Variants in EXOC6B observed in about 807,000 individuals in gnomAD.
EXOC6B encodes SEC15 homolog B.
A neutral mutation model predicts 113.5 loss-of-function variants in EXOC6B; 54 were observed. The observed-to-expected ratio is 0.48, with a 90% CI of 0.38 to 0.60. EXOC6B has a LOEUF of 0.60. Ranked by LOEUF, EXOC6B falls within the 20% of genes least tolerant of loss-of-function variation. The probability of loss-of-function intolerance (pLI) is 0.00; values close to 1 mark genes in which losing one functional copy is unlikely to be tolerated. For synonymous variants in EXOC6B, 357 were observed against 339.0 expected, an observed-to-expected ratio of 1.05 and a Z score of -0.58; for missense variants, 797 against 977.5, an observed-to-expected ratio of 0.82 and a Z score of 2.46.
chr2:72,674,904 A>C (rs1204012610), intron 6 of EXOC6B, among the ~76,000 whole-genome samples: 1 of 152,236 alleles, frequency 6.6e-6, no homozygotes, highest in Non-Finnish European at 1.5e-5. Flanking sequence ...TAAAGAATAC[A>C]CAGTGTCAAT....
At chr2:72,214,487 C>CAA (rs11355575) in intron 20 of EXOC6B, among the ~76,000 whole-genome samples, 3 of 105,222 alleles carry the variant, frequency 2.9e-5, no homozygotes, top group African/African-American at 6.0e-5. Context: ...TGAGACTTGT[C>CAA]AAAAAAAAAA....
intron 19 of EXOC6B, among the ~76,000 whole-genome samples, chr2:72,341,136 T>C (rs1689011432): frequency 6.6e-6 from 1 of 152,172 alleles, no homozygotes; most frequent in South Asian, 2.1e-4. Context: ...TATGACTGTA[T>C]GATGTAAATT....
At chr2:72,741,607 A>G (rs555578834) in intron 1 of EXOC6B, 138 bp from the exon 2 acceptor site, 2 of 643,730 alleles carry the variant, frequency 3.1e-6, no homozygotes, top group African/African-American at 1.9e-5. Context: ...TTATTGTTAA[A>G]TGAGTATTTT....
chr2:72,443,066 C>A (rs1379673764), intron 18 of EXOC6B, among the ~76,000 whole-genome samples: 1 of 152,040 alleles, frequency 6.6e-6, no homozygotes, highest in Non-Finnish European at 1.5e-5. Context: ...GTGCCTCACG[C>A]CTGTAATCCC....
At chr2:72,452,450 T>C (rs998868196) in intron 18 of EXOC6B, among the ~76,000 whole-genome samples, 3 of 152,186 alleles carry the variant, frequency 2.0e-5, no homozygotes, top group Admixed American at 6.5e-5. Flanking sequence ...AAGTAGAAAA[T>C]TGAGACAATA....
At chr2:72,331,691 T>C (rs1688423887) in intron 20 of EXOC6B, among the ~76,000 whole-genome samples, 1 of 152,108 alleles carries the variant, frequency 6.6e-6, no homozygotes, top group Non-Finnish European at 1.5e-5. Flanking sequence ...TAATTCACGA[T>C]ATTATTAATA....
intron 7 of EXOC6B, among the ~76,000 whole-genome samples, chr2:72,574,418 C>T (rs780470991): frequency 1.3e-5 from 2 of 152,076 alleles, no homozygotes; most frequent in African/African-American, 4.8e-5. Flanking sequence ...GAGACTACTG[C>T]CTCTACTTAA....
chr2:72,638,874 C>A (rs895065716), intron 6 of EXOC6B, among the ~76,000 whole-genome samples: 5 of 152,126 alleles, frequency 3.3e-5, no homozygotes, highest in African/African-American at 1.2e-4. Flanking sequence ...GGTTGTCTTG[C>A]CCATCAGACA....
At chr2:72,572,543 C>G (rs1268285131) in intron 7 of EXOC6B, among the ~76,000 whole-genome samples, 1 of 152,130 alleles carries the variant, frequency 6.6e-6, no homozygotes, top group Non-Finnish European at 1.5e-5. Flanking sequence ...TAATACATAA[C>G]CCCAAACAGA....
At chr2:72,359,602 C>T (rs181126565) in intron 19 of EXOC6B, among the ~76,000 whole-genome samples, 112 of 152,244 alleles carry the variant, frequency 7.4e-4, no homozygotes, top group African/African-American at 2.6e-3. Context: ...CTAATTAAGA[C>T]AGATTATTAT....
intron 20 of EXOC6B, among the ~76,000 whole-genome samples, chr2:72,246,175 C>A (rs1443175043): frequency 1.3e-5 from 2 of 152,138 alleles, no homozygotes; most frequent in East Asian, 3.9e-4. Context: ...AGGCATGAAC[C>A]ACCATGTCCA....
At chr2:72,645,981 C>A (rs1673675811) in intron 6 of EXOC6B, among the ~76,000 whole-genome samples, 2 of 151,838 alleles carry the variant, frequency 1.3e-5, no homozygotes, top group Non-Finnish European at 1.5e-5. Flanking sequence ...AAAAACCCTT[C>A]AAAAAAATCA....
At chr2:72,278,349 C>A (rs1339164256) in intron 20 of EXOC6B, among the ~76,000 whole-genome samples, 2 of 152,150 alleles carry the variant, frequency 1.3e-5, no homozygotes, top group Non-Finnish European at 2.9e-5. Context: ...TGTAGAGGGA[C>A]AATTGAAAGC....
chr2:72,654,300 C>T (rs748642688), intron 6 of EXOC6B, among the ~76,000 whole-genome samples: 1 of 152,184 alleles, frequency 6.6e-6, no homozygotes, highest in Non-Finnish European at 1.5e-5. Flanking sequence ...TCAGATTTTT[C>T]TCCAGCTTTC....
At chr2:72,253,595 C>G (rs1173294867) in intron 20 of EXOC6B, among the ~76,000 whole-genome samples, 1 of 152,166 alleles carries the variant, frequency 6.6e-6, no homozygotes, top group Non-Finnish European at 1.5e-5. Flanking sequence ...AACACAAGAA[C>G]AGAAAACCAA....
intron 6 of EXOC6B, among the ~76,000 whole-genome samples, chr2:72,615,023 A>G (rs1043334724): frequency 6.6e-6 from 1 of 152,154 alleles, no homozygotes; most frequent in Admixed American, 6.5e-5. Flanking sequence ...AATGCAAGGA[A>G]GCTTCCCTTG....
intron 18 of EXOC6B, among the ~76,000 whole-genome samples, chr2:72,386,971 G>A (rs116071477): frequency 0.013 from 1,964 of 152,200 alleles, 52 homozygotes; most frequent in African/African-American, 0.045. Flanking sequence ...TTCCTGATTT[G>A]AGAAGTATTC....
intron 18 of EXOC6B, among the ~76,000 whole-genome samples, chr2:72,425,193 C>A (rs1408814602): frequency 6.6e-6 from 1 of 152,032 alleles, no homozygotes; most frequent in Non-Finnish European, 1.5e-5. Flanking sequence ...TGCTTTATGG[C>A]CTGGATTTTA....
At chr2:72,560,981 C>G (rs1263663657) in intron 7 of EXOC6B, among the ~76,000 whole-genome samples, 1 of 151,998 alleles carries the variant, frequency 6.6e-6, no homozygotes, top group Non-Finnish European at 1.5e-5. Context: ...AATGGACACT[C>G]ATTTTCATCT....
Sources: allele counts gnomAD v4.1 joint callset (sites outside exome capture counted in the v4.1 genomes callset), GRCh38; gene constraint gnomAD v4.1.1; transcripts MANE v1.5; gene names NCBI Gene and HGNC (gene_info 2026-07-23, HGNC 2026-07-21).